Variants in STARD13 observed in about 807,000 individuals in gnomAD.
STARD13 encodes stAR-related lipid transfer protein 13.
Under a neutral mutation model 106.4 loss-of-function variants are expected in STARD13, and 62 were observed. That is an observed-to-expected ratio of 0.58 (90% CI 0.48 to 0.72). The LOEUF is 0.72. STARD13 is among the 30% of genes least tolerant of loss of function. STARD13 has a pLI of 0.00. For synonymous variants in STARD13, 565 were observed against 553.0 expected, an observed-to-expected ratio of 1.02 and a Z score of -0.31; for missense variants, 1,387 against 1,424.0, an observed-to-expected ratio of 0.97 and a Z score of 0.42.
At chr13:33,548,417 T>C in the STARD13 span, among the ~76,000 whole-genome samples, 2 of 152,160 alleles carry the variant, frequency 1.3e-5, 1 homozygote, top group Admixed American at 1.3e-4. Context: ...AGAAAGCTTA[T>C]TGACACAACA....
chr13:33,156,116 G>A (rs527320527), intron 3 of STARD13, among the ~76,000 whole-genome samples: 1 of 152,272 alleles, frequency 6.6e-6, no homozygotes, highest in East Asian at 1.9e-4. Flanking sequence ...CTCCTATCAC[G>A]CAGCTAACGC....
the STARD13 span, among the ~76,000 whole-genome samples, chr13:33,425,538 T>C: frequency 6.6e-6 from 1 of 152,200 alleles, no homozygotes; most frequent in Non-Finnish European, 1.5e-5. Flanking sequence ...ATTGTAATGA[T>C]TGGGATCTTT....
the STARD13 span, among the ~76,000 whole-genome samples, chr13:33,648,375 T>C: frequency 6.6e-6 from 1 of 152,222 alleles, no homozygotes; most frequent in Non-Finnish European, 1.5e-5. Flanking sequence ...TGGGTTCTAG[T>C]ACAGCGGTTT....
the STARD13 span, among the ~76,000 whole-genome samples, chr13:33,539,874 T>C: frequency 2.0e-5 from 3 of 152,076 alleles, no homozygotes; most frequent in African/African-American, 4.8e-5. Context: ...TTTAAGAAAA[T>C]GAAAAAGCAG....
Position 33,227,337 on chromosome 13 carries a change from A to C in STARD13, c.169+58133T>G, listed in dbSNP as rs527503014. 1.3e-3 allele frequency among the ~76,000 whole-genome samples: 194 copies of C among 152,352 alleles called. 2 individuals are homozygous for C. The highest frequency in any genetic ancestry group is 4.5e-3 in the African/African-American group (187 of 41,580). ...ATACGATCCCAGGTAGTTCAACCATATGTGGATTTAAACAGATACCTAATT... is the reference window on the plus strand; with the variant it reads ...ATACGATCCCAGGTAGTTCAACCATCTGTGGATTTAAACAGATACCTAATT... On this transcript the variant is annotated intron_variant, in intron 1 of 13. Coordinates refer to ENST00000336934, the MANE Select transcript of STARD13 (RefSeq NM_178006.4).
At chr13:33,211,897 T>A (rs1887743399) in intron 1 of STARD13, among the ~76,000 whole-genome samples, 1 of 152,170 alleles carries the variant, frequency 6.6e-6, no homozygotes, top group Admixed American at 6.5e-5. Flanking sequence ...TATACACATA[T>A]GTCTATACAT....
At chr13:33,206,493 TG>T (rs2138119613) in intron 1 of STARD13, among the ~76,000 whole-genome samples, 1 of 152,198 alleles carries the variant, frequency 6.6e-6, no homozygotes, top group East Asian at 1.9e-4. Flanking sequence ...ACAAAATCAG[TG>T]CACATTTAAT....
At chr13:33,516,070 T>C in the STARD13 span, among the ~76,000 whole-genome samples, 1 of 150,904 alleles carries the variant, frequency 6.6e-6, no homozygotes, top group Non-Finnish European at 1.5e-5. Flanking sequence ...TATATCCACA[T>C]ATATATACAC....
Position 33,262,662 on chromosome 13 carries a change from A to ACACACACACAACACAC in STARD13, c.169+22807_169+22808insGTGTGTTGTGTGTGTG, listed in dbSNP as rs5802678. Among the ~76,000 whole-genome samples the ACACACACACAACACAC allele has an allele frequency of 2.2e-3, 253 of 114,984 alleles. 2 individuals carry two copies. The highest frequency in any genetic ancestry group is 6.4e-3 in the African/African-American group (194 of 30,536). 75.4% of individuals were successfully genotyped at this position (114,984 alleles called of 152,430 possible). On this transcript the variant is annotated intron_variant, in intron 1 of 13. Coordinates refer to ENST00000336934, the MANE Select transcript of STARD13 (RefSeq NM_178006.4). ...AACCCCCCCCCCCACACACACACACAACACACACACACACACACACACACA... is the reference window on the plus strand; with the variant it reads ...AACCCCCCCCCCCACACACACACACACACACACACAACACACACACACACACACACACACACACACA...
intron 1 of STARD13, among the ~76,000 whole-genome samples, chr13:33,239,999 C>T (rs1215583894): frequency 6.6e-6 from 1 of 152,140 alleles, no homozygotes; most frequent in Non-Finnish European, 1.5e-5. Context: ...CTCCTGTTTC[C>T]TTCCAGAAAT....
At chr13:33,550,687 G>T in the STARD13 span, among the ~76,000 whole-genome samples, 1 of 152,212 alleles carries the variant, frequency 6.6e-6, no homozygotes, top group Non-Finnish European at 1.5e-5. Context: ...CATCGTGATA[G>T]ATCTTTGCAA....
At chr13:33,308,520 C>CTTTTTTTTTTTTTTTTTTTTTTTTTTCT (rs552526416) in intron 1 of STARD13, among the ~76,000 whole-genome samples, 1 of 88,554 alleles carries the variant, frequency 1.1e-5, no homozygotes, top group African/African-American at 4.4e-5. Flanking sequence ...CTTTTTCTTT[C>CTTTTTTTTTTTTTTTTTTTTTTTTTTCT]TTTTTTTTTT....
upstream of STARD13, among the ~76,000 whole-genome samples, chr13:33,287,059 C>T (rs1369731715): frequency 6.6e-6 from 1 of 152,094 alleles, no homozygotes; most frequent in Non-Finnish European, 1.5e-5. Context: ...GAATAAAGTT[C>T]TTTGATACAA....
chr13:33,177,855 AAGGAAGGAAGGAAGGAAGGAAAGG>A (rs1329165041), intron 1 of STARD13, among the ~76,000 whole-genome samples: 1 of 13,870 alleles, frequency 7.2e-5, no homozygotes, highest in African/African-American at 7.7e-4. Flanking sequence ...GGAAGGAAGG[AAGGAAGGAAGGAAGGAAGGAAAGG>A]AAGGAAGGAA....
chr13:33,136,908 G>A (rs769916731), intron 4 of STARD13, among the ~76,000 whole-genome samples: 1 of 152,258 alleles, frequency 6.6e-6, no homozygotes, highest in Non-Finnish European at 1.5e-5. Flanking sequence ...AGCAGCAGCA[G>A]GGCTGGGTCA....
At chr13:33,532,997 A>C in the STARD13 span, among the ~76,000 whole-genome samples, 109 of 152,326 alleles carry the variant, frequency 7.2e-4, no homozygotes, top group African/African-American at 2.5e-3. Flanking sequence ...CAGGTGAGGC[A>C]AACATATCAG....
chr13:33,366,978 A>T, the STARD13 span, among the ~76,000 whole-genome samples: 2 of 152,316 alleles, frequency 1.3e-5, no homozygotes, highest in East Asian at 3.9e-4. This position sits in a 1 kb window ranked among gnomAD's most constrained non-coding sequence, Gnocchi z 4.2. Context: ...ATTTTGAGTC[A>T]TATGACAGGA....
the STARD13 span, among the ~76,000 whole-genome samples, chr13:33,645,251 T>C: frequency 1.3e-5 from 2 of 152,170 alleles, no homozygotes; most frequent in Non-Finnish European, 2.9e-5. Context: ...GACCTCCATG[T>C]ACAAAGGCCT....
the STARD13 span, among the ~76,000 whole-genome samples, chr13:33,413,479 TC>T: frequency 6.6e-6 from 1 of 152,122 alleles, no homozygotes; most frequent in African/African-American, 2.4e-5. Flanking sequence ...AAGAGTTGGT[TC>T]TTTAAAATTG....
Sources: allele counts gnomAD v4.1 joint callset (sites outside exome capture counted in the v4.1 genomes callset), GRCh38; gene constraint gnomAD v4.1.1; non-coding constraint Gnocchi (gnomAD v3.1); transcripts MANE v1.5; gene names NCBI Gene and HGNC (gene_info 2026-07-23, HGNC 2026-07-21).